GPC5: variants seen among roughly 807,000 people sequenced by gnomAD.
The protein encoded by GPC5 is glypican-5.
A neutral mutation model predicts 53.9 loss-of-function variants in GPC5; 47 were observed. The ratio of observed to expected loss-of-function variants is 0.87; its 90% CI spans 0.69 to 1.11. The LOEUF (loss-of-function observed/expected upper bound fraction) is 1.11. GPC5 is among the 50% of genes most tolerant of loss of function. GPC5 has a pLI of 0.00. For synonymous variants in GPC5, 286 were observed against 263.3 expected (o/e 1.09, Z -0.84); for missense variants, 748 against 713.1 (o/e 1.05, Z -0.56).
At chr13:91,545,486 A>G (rs994379926) in intron 2 of GPC5, among the ~76,000 whole-genome samples, 1 of 152,174 alleles carries the variant, frequency 6.6e-6, no homozygotes, top group Non-Finnish European at 1.5e-5. Flanking sequence ...GGAGGAATTA[A>G]ATTTATTTAC....
At chr13:92,079,185 G>A (rs1280682159) in intron 6 of GPC5, among the ~76,000 whole-genome samples, 1 of 152,138 alleles carries the variant, frequency 6.6e-6, no homozygotes, top group East Asian at 1.9e-4. Context: ...CTTAGTAGTT[G>A]GGATTACAGG....
intron 2 of GPC5, among the ~76,000 whole-genome samples, chr13:91,603,629 A>G (rs2033252515): frequency 6.6e-6 from 1 of 152,228 alleles, no homozygotes. Context: ...TCGTAAACAC[A>G]GGCTGATTAC....
chr13:91,503,768 G>C (rs1471046341), intron 2 of GPC5, among the ~76,000 whole-genome samples: 2 of 123,824 alleles, frequency 1.6e-5, no homozygotes, highest in Non-Finnish European at 3.3e-5. Flanking sequence ...GACAGAGTGA[G>C]ACTCTGTCTC....
intron 2 of GPC5, among the ~76,000 whole-genome samples, chr13:91,687,082 AT>A (rs980889880): frequency 6.6e-6 from 1 of 152,008 alleles, no homozygotes; most frequent in Non-Finnish European, 1.5e-5. Flanking sequence ...AAAATAAAAA[AT>A]ATTAAAAGGG....
intron 5 of GPC5, among the ~76,000 whole-genome samples, chr13:91,778,675 G>C (rs1362567129): frequency 6.6e-6 from 1 of 152,178 alleles, no homozygotes; most frequent in African/African-American, 2.4e-5. Flanking sequence ...GCATCTACCT[G>C]TGTGTCTCCA....
chr13:92,637,699 A>G (rs1380941288), intron 7 of GPC5, among the ~76,000 whole-genome samples: 1 of 152,206 alleles, frequency 6.6e-6, no homozygotes, highest in Non-Finnish European at 1.5e-5. Context: ...AAATAAGGTA[A>G]AATTCACTAT....
intron 7 of GPC5, among the ~76,000 whole-genome samples, chr13:92,597,993 G>T (rs1397035202): frequency 6.6e-6 from 1 of 152,106 alleles, no homozygotes; most frequent in Non-Finnish European, 1.5e-5. Context: ...GAACTACAGG[G>T]ACAGTTTTCA....
intron 1 of GPC5, among the ~76,000 whole-genome samples, chr13:91,414,976 G>C (rs914626179): frequency 2.0e-5 from 3 of 152,136 alleles, no homozygotes; most frequent in Non-Finnish European, 4.4e-5. Context: ...AGACTTCCAT[G>C]TCTTGCATTT....
chr13:92,726,002 C>T (rs1022907330), intron 7 of GPC5, among the ~76,000 whole-genome samples: 2 of 151,600 alleles, frequency 1.3e-5, no homozygotes, highest in Non-Finnish European at 3.0e-5. Context: ...CACTGATGCA[C>T]CATCCTGAAT....
chr13:91,757,705 T>G (rs369354043), intron 5 of GPC5, among the ~76,000 whole-genome samples: 1 of 152,148 alleles, frequency 6.6e-6, no homozygotes, highest in African/African-American at 2.4e-5. Flanking sequence ...TATGAGTCAA[T>G]TAAACTTCTT....
intron 7 of GPC5, among the ~76,000 whole-genome samples, chr13:92,790,212 G>T (rs1242144287): frequency 6.6e-6 from 1 of 151,986 alleles, no homozygotes; most frequent in Non-Finnish European, 1.5e-5. Context: ...ACAGGCCCAG[G>T]AACAATATTT....
At chr13:91,963,957 G>A (rs1022105499) in intron 6 of GPC5, among the ~76,000 whole-genome samples, 1 of 152,072 alleles carries the variant, frequency 6.6e-6, no homozygotes, top group African/African-American at 2.4e-5. Context: ...GACAGTGTGG[G>A]GATTCCTCAG....
At chr13:91,665,662 C>T (rs2035094636) in intron 2 of GPC5, among the ~76,000 whole-genome samples, 1 of 152,078 alleles carries the variant, frequency 6.6e-6, no homozygotes, top group African/African-American at 2.4e-5. Context: ...ACCACCACAC[C>T]CCGCTAATTT....
chr13:91,666,443 G>A (rs545467903), intron 2 of GPC5, among the ~76,000 whole-genome samples: 1 of 152,202 alleles, frequency 6.6e-6, no homozygotes, highest in South Asian at 2.1e-4. Context: ...TAGTACTTCA[G>A]TATCTAGGAA....
At chr13:92,238,883 G>T (rs1258736942) in intron 7 of GPC5, among the ~76,000 whole-genome samples, 1 of 151,106 alleles carries the variant, frequency 6.6e-6, no homozygotes, top group Admixed American at 6.6e-5. Context: ...GCTTTTTTTA[G>T]TTCTTATATT....
At chr13:91,524,697 C>T (rs1886004248) in intron 2 of GPC5, among the ~76,000 whole-genome samples, 1 of 152,120 alleles carries the variant, frequency 6.6e-6, no homozygotes, top group Admixed American at 6.5e-5. Context: ...AGCTAGGAAT[C>T]AACTGCTGCC....
intron 7 of GPC5, among the ~76,000 whole-genome samples, chr13:92,273,860 T>C (rs2042856947): frequency 6.6e-6 from 1 of 152,084 alleles, no homozygotes; most frequent in Non-Finnish European, 1.5e-5. Context: ...TCATATGCAA[T>C]GAAATAAGAA....
intron 2 of GPC5, among the ~76,000 whole-genome samples, chr13:91,643,289 A>G (rs1474030261): frequency 4.6e-5 from 7 of 152,300 alleles, no homozygotes; most frequent in Admixed American, 1.3e-4. Context: ...TCCATTGTCA[A>G]TGAAAGAGCA....
At chr13:91,484,013 C>T (rs1165615796) in intron 2 of GPC5, among the ~76,000 whole-genome samples, 2 of 152,138 alleles carry the variant, frequency 1.3e-5, no homozygotes, top group Admixed American at 6.5e-5. Flanking sequence ...CAGAATTGTA[C>T]AAGCTATTTT....
Sources: allele counts gnomAD v4.1 joint callset (sites outside exome capture counted in the v4.1 genomes callset), GRCh38; gene constraint gnomAD v4.1.1; transcripts MANE v1.5; gene names NCBI Gene and HGNC (gene_info 2026-07-23, HGNC 2026-07-21).